The following PBX1 variants were observed in gnomAD, a reference collection of about 807,000 sequenced individuals.
PBX1 encodes pre-B-cell leukemia transcription factor 1.
A neutral mutation model predicts 53.4 loss-of-function variants in PBX1; 6 were observed. The ratio of observed to expected loss-of-function variants is 0.11; its 90% CI spans 0.06 to 0.22. The LOEUF is 0.22. Among genes scored for constraint, PBX1 ranks in the 10% least tolerant of loss-of-function variants. PBX1 has a pLI of 1.00. For missense variants in PBX1, 251 were observed against 551.4 expected (o/e 0.46, Z 5.46); for synonymous variants, 204 against 212.3 (o/e 0.96, Z 0.34).
At chr1:164,564,774 C>CT (rs1295900655) in intron 2 of PBX1, among the ~76,000 whole-genome samples, 1 of 151,544 alleles carries the variant, frequency 6.6e-6, no homozygotes, top group East Asian at 1.9e-4. Context: ...TTTTTAGTTT[C>CT]TTTTTTCTAT....
intron 2 of PBX1, among the ~76,000 whole-genome samples, chr1:164,681,600 A>G (rs1217250605): frequency 1.3e-5 from 2 of 152,244 alleles, no homozygotes; most frequent in Non-Finnish European, 2.9e-5. Context: ...TGTTGAAGCC[A>G]GAACATAGAA....
intron 2 of PBX1, among the ~76,000 whole-genome samples, chr1:164,714,406 G>A (rs1663973417): frequency 6.6e-6 from 1 of 152,180 alleles, no homozygotes; most frequent in African/African-American, 2.4e-5. Context: ...ATTCTTACAG[G>A]GAGCAATGTA....
At chr1:164,778,415 A>G (rs756217076) in intron 2 of PBX1, among the ~76,000 whole-genome samples, 2 of 152,148 alleles carry the variant, frequency 1.3e-5, no homozygotes, top group Non-Finnish European at 2.9e-5. Context: ...AGGCCAAGAC[A>G]GGAGGATCAC....
intron 8 of PBX1, among the ~76,000 whole-genome samples, chr1:164,823,486 A>T (rs1670266331): frequency 6.6e-6 from 1 of 151,876 alleles, no homozygotes; most frequent in Non-Finnish European, 1.5e-5. Context: ...GAACCTGGCC[A>T]TACTCAAAAG....
chr1:164,628,538 C>A (rs946746012), intron 2 of PBX1, among the ~76,000 whole-genome samples: 1 of 152,208 alleles, frequency 6.6e-6, no homozygotes, highest in Non-Finnish European at 1.5e-5. Flanking sequence ...CTTCTCATTG[C>A]AGCTGAGCTT....
intron 2 of PBX1, among the ~76,000 whole-genome samples, chr1:164,722,524 G>A (rs140408663): frequency 1.6e-4 from 24 of 152,274 alleles, no homozygotes; most frequent in African/African-American, 5.8e-4. Context: ...ATTTGAAGAA[G>A]TATATTAATC....
At chr1:164,681,384 T>C (rs1661764385) in intron 2 of PBX1, among the ~76,000 whole-genome samples, 1 of 152,128 alleles carries the variant, frequency 6.6e-6, no homozygotes, top group Non-Finnish European at 1.5e-5. Context: ...TTTTTAATCA[T>C]AGGGAATGAA....
At chr1:164,602,664 A>G (rs1003293727) in intron 2 of PBX1, among the ~76,000 whole-genome samples, 13 of 149,876 alleles carry the variant, frequency 8.7e-5, no homozygotes, top group Non-Finnish European at 1.3e-4. Context: ...TATCTATTCC[A>G]TTCCACTACC....
chr1:164,675,023 G>T (rs1312852797), intron 2 of PBX1, among the ~76,000 whole-genome samples: 1 of 152,116 alleles, frequency 6.6e-6, no homozygotes, highest in African/African-American at 2.4e-5. Flanking sequence ...ATTGGCAAGG[G>T]AAATATGATT....
intron 2 of PBX1, among the ~76,000 whole-genome samples, chr1:164,733,466 A>G (rs1229986103): frequency 6.6e-6 from 1 of 152,116 alleles, no homozygotes; most frequent in Admixed American, 6.6e-5. Context: ...GCTGGGTATG[A>G]GACAGGTCTT....
intron 2 of PBX1, among the ~76,000 whole-genome samples, chr1:164,585,014 GTAA>G (rs1212201351): frequency 2.6e-5 from 4 of 152,048 alleles, no homozygotes; most frequent in Non-Finnish European, 5.9e-5. Context: ...ACTACTGCTA[GTAA>G]TAATAATAGT....
chr1:164,576,453 T>C (rs777289351), intron 2 of PBX1, among the ~76,000 whole-genome samples: 25 of 152,296 alleles, frequency 1.6e-4, no homozygotes, highest in Non-Finnish European at 2.6e-4. Context: ...TTGCACCGGC[T>C]CCCTCTCCCG....
intron 2 of PBX1, among the ~76,000 whole-genome samples, chr1:164,880,537 T>G (rs1285910114): frequency 6.6e-6 from 1 of 152,216 alleles, no homozygotes; most frequent in African/African-American, 2.4e-5. Context: ...AGGGGAATGC[T>G]TTTTCCCAGC....
At chr1:164,617,021 C>G (rs1370693527) in intron 2 of PBX1, among the ~76,000 whole-genome samples, 2 of 152,186 alleles carry the variant, frequency 1.3e-5, no homozygotes, top group African/African-American at 2.4e-5. Flanking sequence ...TACCTCTTGA[C>G]TATCTTTTTC....
intron 2 of PBX1, among the ~76,000 whole-genome samples, chr1:164,676,766 C>G (rs1661455475): frequency 6.6e-6 from 1 of 152,196 alleles, no homozygotes; most frequent in South Asian, 2.1e-4. Context: ...CAGTGTCATT[C>G]ACTCCCTAGC....
intron 2 of PBX1, among the ~76,000 whole-genome samples, chr1:164,780,152 A>G (rs995923101): frequency 9.9e-5 from 15 of 152,072 alleles, no homozygotes; most frequent in Non-Finnish European, 8.8e-5. Flanking sequence ...GTGCACAGAA[A>G]GAAGGAATGG....
chr1:164,561,377 G>A (rs1653031129), intron 1 of PBX1, among the ~76,000 whole-genome samples: 1 of 152,162 alleles, frequency 6.6e-6, no homozygotes, highest in Non-Finnish European at 1.5e-5. Context: ...TAAGGTTTAC[G>A]GGTGTTTGAA....
chr1:164,858,298 A>C (rs989304901), intron 2 of PBX1, among the ~76,000 whole-genome samples: 1 of 152,138 alleles, frequency 6.6e-6, no homozygotes, highest in Non-Finnish European at 1.5e-5. Context: ...TGCCTTGTAA[A>C]TGTCTTTTTT....
chr1:164,757,066 A>T (rs1426747627), intron 2 of PBX1, among the ~76,000 whole-genome samples: 1 of 152,170 alleles, frequency 6.6e-6, no homozygotes, highest in Non-Finnish European at 1.5e-5. Context: ...CAGGAGAAAG[A>T]TGCAACAAAT....
Sources: allele counts gnomAD v4.1 joint callset (sites outside exome capture counted in the v4.1 genomes callset), GRCh38; gene constraint gnomAD v4.1.1; transcripts MANE v1.5; gene names NCBI Gene and HGNC (gene_info 2026-07-23, HGNC 2026-07-21).